The following ADGRL4 variants were observed in gnomAD, a reference collection of about 807,000 sequenced individuals.
ADGRL4 encodes adhesion G protein-coupled receptor L4.
ADGRL4 carries 90 observed loss-of-function variants against 74.8 expected under a neutral mutation model. The ratio of observed to expected loss-of-function variants is 1.20; its 90% CI spans 1.02 to 1.43. The LOEUF is 1.43. Among genes scored for constraint, ADGRL4 ranks in the 40% most tolerant of loss-of-function variants. ADGRL4 has a pLI of 0.00. For missense variants in ADGRL4, 881 were observed against 814.3 expected, an observed-to-expected ratio of 1.08 and a Z score of -1.00; for synonymous variants, 311 against 279.2, an observed-to-expected ratio of 1.11 and a Z score of -1.14.
chr1:78,914,595 T>C (rs1170826356), intron 12 of ADGRL4, among the ~76,000 whole-genome samples: 1 of 151,822 alleles, frequency 6.6e-6, no homozygotes, highest in African/African-American at 2.4e-5. Flanking sequence ...CACCAAGGAA[T>C]CTCTAGTTGG....
intron 2 of ADGRL4, among the ~76,000 whole-genome samples, chr1:78,986,159 C>T (rs958586982): frequency 6.6e-6 from 1 of 151,592 alleles, no homozygotes; most frequent in Non-Finnish European, 1.5e-5. Flanking sequence ...GCACATGAAT[C>T]CTTGGACCTA....
chr1:78,937,912 T>C lies in ADGRL4; in HGVS notation c.655A>G (p.Arg219Gly). The change falls in exon 6 of 15, where the codon AGA (arginine) becomes GGA (glycine). Residue 219 changes from arginine to glycine, a missense_variant. By Grantham distance (125) the Arg-to-Gly change is moderately radical. Coordinates refer to ENST00000370742, the MANE Select transcript of ADGRL4 (RefSeq NM_022159.4). ...VWDKLSVNHRRTHLTKLMHTV... is the reference protein window; with the variant it reads ...VWDKLSVNHRGTHLTKLMHTV... ...TGCATGAGTTTTGTAAGATGTGTTCTCCTATGATTCACAGATAACTTGTCC... is the reference window on the plus strand; with the variant it reads ...TGCATGAGTTTTGTAAGATGTGTTCCCCTATGATTCACAGATAACTTGTCC... 6.2e-7 allele frequency: 1 copy of C among 1,614,004 alleles called. No homozygotes were observed. The highest frequency in any genetic ancestry group is 2.2e-5 in the East Asian group (1 of 44,840).
At chr1:78,936,458 A>G (rs1019338065) in intron 6 of ADGRL4, 47 bp from the exon 7 acceptor site, 44 of 1,431,922 alleles carry the variant, frequency 3.1e-5, no homozygotes, top group Non-Finnish European at 3.9e-5. Context: ...ACTTTAATCA[A>G]TATACATCAT....
chr1:78,925,014 A>AT (rs566326672), intron 8 of ADGRL4, among the ~76,000 whole-genome samples: 23 of 152,036 alleles, frequency 1.5e-4, no homozygotes, highest in Non-Finnish European at 2.6e-4. Flanking sequence ...GAATGGTTTT[A>AT]TTTTTTTATA....
chr1:78,946,103 C>G (rs1649595343), intron 3 of ADGRL4, among the ~76,000 whole-genome samples, 171 bp downstream of exon 3: 1 of 152,048 alleles, frequency 6.6e-6, no homozygotes, highest in African/African-American at 2.4e-5. Flanking sequence ...ATAACTATCC[C>G]ACAGACTTTA....
intron 3 of ADGRL4, among the ~76,000 whole-genome samples, chr1:78,942,201 A>G (rs1057239962): frequency 7.9e-5 from 11 of 139,342 alleles, no homozygotes; most frequent in African/African-American, 2.9e-4. Flanking sequence ...AAAAAAAAAG[A>G]CACCTTCTAA....
At chr1:78,948,984 A>G (rs571884851) in intron 2 of ADGRL4, among the ~76,000 whole-genome samples, 7 of 152,244 alleles carry the variant, frequency 4.6e-5, no homozygotes, top group African/African-American at 1.7e-4. Context: ...TATTAAAATA[A>G]AAGTTTTCAT....
intron 2 of ADGRL4, among the ~76,000 whole-genome samples, chr1:78,971,759 TTTG>T (rs1046849113): frequency 2.4e-5 from 3 of 126,508 alleles, no homozygotes; most frequent in African/African-American, 9.1e-5. Context: ...ATTTGTTGTT[TTTG>T]TTGTTGTTTT....
At chr1:78,928,660 G>T (rs2100679135) in intron 7 of ADGRL4, among the ~76,000 whole-genome samples, 2 of 151,524 alleles carry the variant, frequency 1.3e-5, no homozygotes, top group Middle Eastern at 3.4e-3. Flanking sequence ...ACATATATCT[G>T]AGCATTTACA....
intron 2 of ADGRL4, among the ~76,000 whole-genome samples, chr1:78,947,770 T>C (rs550363561): frequency 4.6e-5 from 7 of 152,230 alleles, no homozygotes; most frequent in South Asian, 2.1e-4. Flanking sequence ...AGAAGCCTAA[T>C]TGGGGAGCAC....
intron 13 of ADGRL4, among the ~76,000 whole-genome samples, chr1:78,892,700 A>G (rs1648308587): frequency 6.6e-6 from 1 of 152,076 alleles, no homozygotes; most frequent in East Asian, 1.9e-4. Context: ...AATCATTTTC[A>G]AGGTTTCAAT....
intron 2 of ADGRL4, among the ~76,000 whole-genome samples, chr1:78,992,220 AG>A (rs1282147692): frequency 1.3e-5 from 2 of 152,056 alleles, no homozygotes; most frequent in African/African-American, 4.8e-5. Context: ...ATAAGTACAA[AG>A]TTTGAACAGT....
At chr1:78,983,456 G>GA (rs35840743) in intron 2 of ADGRL4, among the ~76,000 whole-genome samples, 66,408 of 146,944 alleles carry the variant, frequency 0.45, 14,878 homozygotes, top group Middle Eastern at 0.54. Context: ...TCTAGAATTA[G>GA]AAAAAAAAAA....
At chr1:78,923,651 A>G (rs1649047466) in intron 8 of ADGRL4, among the ~76,000 whole-genome samples, 1 of 152,006 alleles carries the variant, frequency 6.6e-6, no homozygotes, top group South Asian at 2.1e-4. Flanking sequence ...TTAAAAAAAT[A>G]TATAAATAAT....
intron 12 of ADGRL4, among the ~76,000 whole-genome samples, chr1:78,897,519 TC>T (rs1341320849): frequency 6.6e-6 from 1 of 152,034 alleles, no homozygotes; most frequent in Non-Finnish European, 1.5e-5. Flanking sequence ...TGGCTATAAA[TC>T]CCCTGATTTC....
At chr1:79,006,040 G>C (rs764866990) in intron 1 of ADGRL4, among the ~76,000 whole-genome samples, 1 of 152,056 alleles carries the variant, frequency 6.6e-6, no homozygotes, top group Non-Finnish European at 1.5e-5. Flanking sequence ...AAGTAAAGTC[G>C]GTTCCTTTTT....
chr1:78,987,022 A>C (rs1417418066), intron 2 of ADGRL4, among the ~76,000 whole-genome samples: 1 of 151,824 alleles, frequency 6.6e-6, no homozygotes, highest in African/African-American at 2.4e-5. Context: ...TCATTTAAAC[A>C]GGATAGTTTG....
chr1:78,945,177 A>AAAAAAATAAATATATAT (rs376405445), intron 3 of ADGRL4, among the ~76,000 whole-genome samples: 1 of 127,924 alleles, frequency 7.8e-6, no homozygotes, highest in Non-Finnish European at 1.6e-5. Context: ...AAAAAAAAAA[A>AAAAAAATAAATATATAT]ATATATATAT....
rs552707174 is a variant in ADGRL4 at position 78,920,910 on chromosome 1, C to A, written c.1258-524G>T. Among the ~76,000 whole-genome samples, 7 of 151,690 alleles carry A rather than the reference C, an allele frequency of 4.6e-5. No homozygotes were observed. The East Asian group carries it at 1.4e-3, about 30-fold the overall frequency. ...CTAGATGAATACTTATGTTTATATACGGAATAGATGTTTATTTGCTTAAGT... is the reference window on the plus strand; with the variant it reads ...CTAGATGAATACTTATGTTTATATAAGGAATAGATGTTTATTTGCTTAAGT... On this transcript the variant is annotated intron_variant, in intron 9 of 14. Transcript: ENST00000370742.
Sources: gnomAD v4.1 joint callset for allele counts (sites outside exome capture counted in the v4.1 genomes callset) on GRCh38, gnomAD v4.1.1 for gene constraint, MANE v1.5 for transcripts, NCBI Gene and HGNC (gene_info 2026-07-23, HGNC 2026-07-21) for gene names.